ACSS3: variants seen among roughly 807,000 people sequenced by gnomAD.
ACSS3 encodes the protein acyl-CoA synthetase short chain family member 3.
In ACSS3, 64 loss-of-function variants were observed where a neutral mutation model predicts 84.2. The observed-to-expected ratio is 0.76, with a 90% CI of 0.62 to 0.94. The LOEUF is 0.94. Ranked by LOEUF, ACSS3 falls within the 40% of genes least tolerant of loss-of-function variation. The pLI, the probability that ACSS3 is intolerant of heterozygous loss-of-function variation, is 0.00. For missense variants in ACSS3, 815 were observed against 867.6 expected, an observed-to-expected ratio of 0.94 and a Z score of 0.76; for synonymous variants, 317 against 310.1, an observed-to-expected ratio of 1.02 and a Z score of -0.23.
intron 1 of ACSS3, among the ~76,000 whole-genome samples, chr12:81,099,521 T>C (rs1378728846): frequency 6.6e-6 from 1 of 152,192 alleles, no homozygotes; most frequent in African/African-American, 2.4e-5. Context: ...TATGGCACTT[T>C]TTGAGAATTT....
intron 3 of ACSS3, among the ~76,000 whole-genome samples, chr12:81,137,686 T>C (rs1885882020): frequency 6.6e-6 from 1 of 152,188 alleles, no homozygotes; most frequent in Admixed American, 6.6e-5. Context: ...TAATTTTGAC[T>C]TTATTAAATT....
At chr12:81,199,539 A>G in intron 9 of ACSS3, 95 bp downstream of exon 9, 1 of 1,470,342 alleles carries the variant, frequency 6.8e-7, no homozygotes, top group Non-Finnish European at 9.3e-7. Context: ...CCAGCAGATC[A>G]GACACAAACT....
chr12:81,184,728 G>A (rs1464006538), intron 8 of ACSS3, among the ~76,000 whole-genome samples: 1 of 151,612 alleles, frequency 6.6e-6, no homozygotes, highest in Non-Finnish European at 1.5e-5. Context: ...CAATTAAAGT[G>A]ATTTGAGAAG....
At chr12:81,104,876 A>G (rs1882842995) in intron 1 of ACSS3, 1 of 152,054 alleles carries the variant, frequency 6.6e-6, no homozygotes. Flanking sequence ...TTATTTTTTA[A>G]TTTTTATTTT....
intron 1 of ACSS3, among the ~76,000 whole-genome samples, chr12:81,097,264 C>G (rs1170493751): frequency 6.6e-6 from 1 of 152,114 alleles, no homozygotes; most frequent in East Asian, 1.9e-4. Context: ...GCTTTGCAGG[C>G]CAGACCAGTT....
chr12:81,151,621 A>G, intron 5 of ACSS3: 1 of 410,964 alleles, frequency 2.4e-6, no homozygotes, highest in Non-Finnish European at 4.3e-6. Flanking sequence ...GTTATGTGAG[A>G]ATGGATTCTA....
intron 13 of ACSS3, among the ~76,000 whole-genome samples, chr12:81,250,775 C>T (rs890292383): frequency 6.6e-6 from 1 of 152,038 alleles, no homozygotes; most frequent in African/African-American, 2.4e-5. Flanking sequence ...CTCTGGTTAG[C>T]CAAGAAAAAG....
At chr12:81,117,442 A>C (rs1426402074) in intron 2 of ACSS3, among the ~76,000 whole-genome samples, 1 of 152,144 alleles carries the variant, frequency 6.6e-6, no homozygotes, top group Admixed American at 6.5e-5. Flanking sequence ...TCACTTATGA[A>C]ATGACATTTG....
At chr12:81,086,068 T>G (rs1474454828) in intron 1 of ACSS3, among the ~76,000 whole-genome samples, 2 of 152,218 alleles carry the variant, frequency 1.3e-5, no homozygotes, top group Non-Finnish European at 2.9e-5. Flanking sequence ...TTTGGCTCTT[T>G]GGCAAACAAA....
intron 6 of ACSS3, 22 bp from the exon 7 acceptor site, chr12:81,151,979 A>G: frequency 6.2e-7 from 1 of 1,612,232 alleles, no homozygotes; most frequent in Non-Finnish European, 8.5e-7. Flanking sequence ...AAATATATTC[A>G]TTTTATTATC....
At chr12:81,181,523 TTTCCCAGTATCTGAC>T (rs1280768647) in intron 8 of ACSS3, among the ~76,000 whole-genome samples, 1 of 152,120 alleles carries the variant, frequency 6.6e-6, no homozygotes, top group Non-Finnish European at 1.5e-5. Flanking sequence ...AACATGAGAA[TTTCCCAGTATCTGAC>T]CCCCAAATTT....
At chr12:81,096,431 G>A (rs933593870) in intron 1 of ACSS3, among the ~76,000 whole-genome samples, 3 of 152,086 alleles carry the variant, frequency 2.0e-5, no homozygotes, top group African/African-American at 7.2e-5. Context: ...AAAAAACATG[G>A]ATACTTAAAA....
At chr12:81,198,351 G>T (rs987574981) in intron 8 of ACSS3, among the ~76,000 whole-genome samples, 1 of 152,124 alleles carries the variant, frequency 6.6e-6, no homozygotes, top group Non-Finnish European at 1.5e-5. Flanking sequence ...TCATAGCAAA[G>T]ACAGAAACAG....
intron 2 of ACSS3, among the ~76,000 whole-genome samples, chr12:81,111,498 A>G (rs1428290055): frequency 6.6e-6 from 1 of 152,182 alleles, no homozygotes; most frequent in Non-Finnish European, 1.5e-5. Flanking sequence ...TTCACTTAGC[A>G]CCATCCCCCT....
upstream of ACSS3, chr12:81,077,939 C>T: frequency 1.5e-6 from 1 of 670,646 alleles, no homozygotes; most frequent in Non-Finnish European, 2.3e-6. Flanking sequence ...CCACTTTAGC[C>T]TGTTGCTTCT....
chr12:81,241,012 T>A (rs2033783379), intron 13 of ACSS3, among the ~76,000 whole-genome samples: 1 of 108,252 alleles, frequency 9.2e-6, no homozygotes, highest in East Asian at 3.3e-4. Context: ...ACAGTCCCCA[T>A]GTGTGATGTT....
chr12:81,137,914 T>C (rs1467846686), intron 3 of ACSS3, among the ~76,000 whole-genome samples: 2 of 152,234 alleles, frequency 1.3e-5, no homozygotes, highest in African/African-American at 4.8e-5. Flanking sequence ...CAGCTTGATA[T>C]GGTGGAAAGA....
At chr12:81,213,789 C>CTTTTT (rs1475437631) in intron 9 of ACSS3, among the ~76,000 whole-genome samples, 3 of 83,088 alleles carry the variant, frequency 3.6e-5, no homozygotes, top group Non-Finnish European at 4.7e-5. Flanking sequence ...TCCTTCTCTT[C>CTTTTT]TCTTTTCTCT....
intron 1 of ACSS3, among the ~76,000 whole-genome samples, chr12:81,106,679 T>C (rs888889081): frequency 6.6e-6 from 1 of 152,128 alleles, no homozygotes; most frequent in Non-Finnish European, 1.5e-5. Context: ...ATTTGAAATA[T>C]TTTTGTTGAC....
Sources: allele counts gnomAD v4.1 joint callset (sites outside exome capture counted in the v4.1 genomes callset), GRCh38; gene constraint gnomAD v4.1.1; transcripts MANE v1.5; gene names NCBI Gene and HGNC (gene_info 2026-07-23, HGNC 2026-07-21).